The following RGS7 variants were observed in gnomAD, a reference collection of about 807,000 sequenced individuals.
RGS7 encodes the protein regulator of G-protein signaling 7.
A neutral mutation model predicts 81.1 loss-of-function variants in RGS7; 27 were observed. The ratio of observed to expected loss-of-function variants is 0.33; its 90% CI spans 0.25 to 0.46. RGS7 has a LOEUF of 0.46. Ranked by LOEUF, RGS7 falls within the 20% of genes least tolerant of loss-of-function variation. RGS7 has a pLI of 1.00. For missense variants in RGS7, 396 were observed against 607.4 expected (o/e 0.65, Z 3.66); for synonymous variants, 208 against 207.7 (o/e 1.00, Z -0.01).
chr1:240,896,095 G>C (rs1469947754), intron 6 of RGS7, among the ~76,000 whole-genome samples: 1 of 152,188 alleles, frequency 6.6e-6, no homozygotes, highest in Non-Finnish European at 1.5e-5. Flanking sequence ...CTTTTGAGAA[G>C]TGTCTGTTCA....
chr1:240,936,211 C>T (rs913017599), intron 5 of RGS7, among the ~76,000 whole-genome samples: 18 of 152,142 alleles, frequency 1.2e-4, no homozygotes, highest in African/African-American at 4.3e-4. Flanking sequence ...TTAGCTGAAT[C>T]CTATCTGGAG....
chr1:240,940,079 C>CA (rs1677328787), intron 4 of RGS7, among the ~76,000 whole-genome samples: 1 of 151,902 alleles, frequency 6.6e-6, no homozygotes, highest in African/African-American at 2.4e-5. Flanking sequence ...CACTCTATCT[C>CA]AAAAAATTAA....
rs1262382115 is a variant in RGS7 at position 241,164,708 on chromosome 1, C to T, written c.79-65946G>A. 3.0e-4 allele frequency among the ~76,000 whole-genome samples: 45 copies of T among 152,132 alleles called. No individual in the cohort carries two copies. The highest frequency in any genetic ancestry group is 2.9e-3 in the Admixed American group (45 of 15,260). On this transcript the variant is annotated intron_variant, in intron 2 of 18. Transcript: ENST00000440928. The surrounding 1 kb of genome is among the most constrained non-coding windows in gnomAD (Gnocchi z 4.1). ...TGAAATTTTCCATGTTTAAAAAATA[C>T]TGCGCAGGCCAACAAAACACATCCC... is the stretch of plus-strand genomic sequence containing the variant.
At position 241,333,427 on chromosome 1, in the gene RGS7, C is replaced by T. The variant is rs965461500; in HGVS notation, c.78+22272G>A. ...AAAATGACATCTAGATAAGGCCAGG[C>T]GGATAAGAAGAGACTTCAGCTGGGA... On this transcript the variant is annotated intron_variant, in intron 2 of 18. Transcript: ENST00000440928. 6.6e-5 allele frequency among the ~76,000 whole-genome samples: 10 copies of T among 152,250 alleles called. No homozygotes were observed. In the South Asian group the frequency reaches 1.5e-3, roughly 22 times the overall value.
At chr1:240,932,076 C>T (rs1171146786) in intron 5 of RGS7, among the ~76,000 whole-genome samples, 1 of 152,120 alleles carries the variant, frequency 6.6e-6, no homozygotes, top group East Asian at 1.9e-4. Context: ...ATTATCTGAT[C>T]ATTTTCCCCT....
chr1:241,165,786 TAAAA>T (rs1169374888), intron 2 of RGS7, among the ~76,000 whole-genome samples: 1 of 107,476 alleles, frequency 9.3e-6, no homozygotes, highest in South Asian at 2.8e-4. Context: ...ATAATAATAA[TAAAA>T]AAAAAAAAAA....
intron 3 of RGS7, among the ~76,000 whole-genome samples, chr1:241,085,449 CAG>C (rs71805546): frequency 0.048 from 7,233 of 152,014 alleles, 587 homozygotes; most frequent in African/African-American, 0.16. Context: ...ATTTTTGAGA[CAG>C]AGTCTCTCTG....
intron 2 of RGS7, among the ~76,000 whole-genome samples, chr1:241,106,422 A>G (rs1445940437): frequency 6.6e-6 from 1 of 152,214 alleles, no homozygotes; most frequent in Non-Finnish European, 1.5e-5. Flanking sequence ...TTATTTAAAA[A>G]ACAGTAACTC....
intron 2 of RGS7, among the ~76,000 whole-genome samples, chr1:241,116,248 T>A (rs1474507904): frequency 6.6e-6 from 1 of 152,152 alleles, no homozygotes; most frequent in Non-Finnish European, 1.5e-5. Flanking sequence ...TTGTGGAAAA[T>A]CTTAAACAGA....
chr1:241,206,290 G>A (rs547120138), intron 2 of RGS7, among the ~76,000 whole-genome samples: 122 of 149,012 alleles, frequency 8.2e-4, no homozygotes, highest in African/African-American at 2.9e-3. Context: ...GTGCAGTGGC[G>A]CTCGGCTCAC....
intron 9 of RGS7, among the ~76,000 whole-genome samples, chr1:240,858,275 T>C (rs557800940): frequency 1.3e-5 from 2 of 152,308 alleles, no homozygotes; most frequent in Non-Finnish European, 2.9e-5. Flanking sequence ...AATGCTATAT[T>C]GTATAGTAAC....
chr1:241,220,954 G>C (rs974908562), intron 2 of RGS7, among the ~76,000 whole-genome samples: 2 of 16,494 alleles, frequency 1.2e-4, no homozygotes, highest in South Asian at 2.3e-3. Flanking sequence ...AAGAAGCAAG[G>C]AAGGAAGGAA....
chr1:241,109,539 T>C (rs1353129921), intron 2 of RGS7, among the ~76,000 whole-genome samples: 2 of 152,236 alleles, frequency 1.3e-5, no homozygotes. Flanking sequence ...TTTTGCTATC[T>C]GTGGCATGGT....
chr1:241,128,077 G>C (rs2066798337), intron 2 of RGS7, among the ~76,000 whole-genome samples: 1 of 151,900 alleles, frequency 6.6e-6, no homozygotes, highest in Non-Finnish European at 1.5e-5. Flanking sequence ...AGGAGACCGA[G>C]ACCATCCTGA....
chr1:240,978,019 A>G (rs1345240335), intron 4 of RGS7, among the ~76,000 whole-genome samples: 1 of 152,196 alleles, frequency 6.6e-6, no homozygotes, highest in Non-Finnish European at 1.5e-5. Context: ...TGAGGCAAGG[A>G]TTACTCCCAG....
chr1:240,815,817 A>G (rs1030745918), intron 11 of RGS7, among the ~76,000 whole-genome samples: 1 of 152,224 alleles, frequency 6.6e-6, no homozygotes, highest in Non-Finnish European at 1.5e-5. Flanking sequence ...GAGGTAGTGT[A>G]TAGCATGACT....
chr1:240,920,380 A>G, intron 6 of RGS7: 1 of 1,533,050 alleles, frequency 6.5e-7, no homozygotes, highest in Admixed American at 1.7e-5. Context: ...GGGGATGGCT[A>G]TAATGGATTT....
chr1:241,091,315 G>A (rs778495977), intron 3 of RGS7, among the ~76,000 whole-genome samples: 13 of 152,066 alleles, frequency 8.5e-5, no homozygotes, highest in South Asian at 2.1e-4. Context: ...TTGGGAGGCC[G>A]AGGCAGGTGG....
At chr1:241,356,228 G>T (rs988609785) in intron 1 of RGS7, among the ~76,000 whole-genome samples, 1 of 152,030 alleles carries the variant, frequency 6.6e-6, no homozygotes, top group African/African-American at 2.4e-5. Flanking sequence ...GATGCGGTGG[G>T]GGAGTGGGGG....
Sources: allele counts gnomAD v4.1 joint callset (sites outside exome capture counted in the v4.1 genomes callset), GRCh38; gene constraint gnomAD v4.1.1; non-coding constraint Gnocchi (gnomAD v3.1); transcripts MANE v1.5; gene names NCBI Gene and HGNC (gene_info 2026-07-23, HGNC 2026-07-21).